The following PNMA8A variants were observed in gnomAD, a reference collection of about 807,000 sequenced individuals.
PNMA8A encodes the protein PNMA family member 8A.
A neutral mutation model predicts 26.6 loss-of-function variants in PNMA8A; 17 were observed. The observed-to-expected ratio is 0.64, with a 90% CI of 0.44 to 0.96. The LOEUF (loss-of-function observed/expected upper bound fraction) is 0.96. Ranked by LOEUF, PNMA8A falls within the 40% of genes least tolerant of loss-of-function variation. PNMA8A has a pLI of 0.00. For missense variants in PNMA8A, 532 were observed against 488.4 expected (o/e 1.09, Z -0.84); for synonymous variants, 224 against 182.0 (o/e 1.23, Z -1.86).
Position 46,470,001 on chromosome 19 carries a change from T to C in PNMA8A, c.1035A>G (p.Pro345=). Residue 345 remains proline, a synonymous_variant, in exon 2 of 3, where the codon CCA becomes CCG. Coordinates refer to ENST00000313683, the MANE Select transcript of PNMA8A (RefSeq NM_018215.4). ...SDQDGGHESP[P]KKKAVAWVSA... ...ACACCCAGGCCACGGCCTTCTTCTT[T>C]GGTGGGCTTTCATGGCCACCATCTT... The C allele has an allele frequency of 1.9e-6, 3 of 1,604,088 alleles. No homozygotes were observed. Among genetic ancestry groups the C allele is most frequent in the Non-Finnish European group, 2.6e-6 (3 of 1,176,242 alleles).
rs373433505 is a variant in PNMA8A, at chr19:46,469,621, AC to A, written c.1303+111del. On this transcript the variant is annotated intron_variant, in intron 2 of 2. Transcript: ENST00000313683. Reference sequence around the variant, plus strand: ...GCCATGCACCAGGGTCCTCCTCATCACCCGCTTGACCCACCACCTCCTCGGG... The same window carrying A: ...GCCATGCACCAGGGTCCTCCTCATCACCGCTTGACCCACCACCTCCTCGGG... 3.0e-5 allele frequency: 36 copies of A among 1,214,474 alleles called. No homozygotes were observed. In the African/African-American group the frequency reaches 4.5e-4, roughly 15 times the overall value. 75.2% of individuals were successfully genotyped at this position (1,214,474 alleles called of 1,614,324 possible). A position where few individuals can be genotyped will look rare whatever the true frequency, so the allele number is the denominator to read the frequency against.
chr19:46,470,625 C>T lies in PNMA8A; in HGVS notation c.411G>A (p.Gln137=), dbSNP rs139803043. The change falls in exon 2 of 3, where the codon CAG becomes CAA. Residue 137 remains glutamine (Q), a synonymous_variant. Transcript: ENST00000313683. ...AGTTCTCTGGGGGCTGATGCTGGTT[C>T]TGGGACAGGGTGGGGTGGTTGAGCT... ...LLQLNHPTLS[Q]NQHQPPENWA... The T allele has an allele frequency of 2.3e-4, 368 of 1,603,828 alleles. No homozygotes were observed. Among genetic ancestry groups the T allele is most frequent in the Non-Finnish European group, 3.0e-4 (355 of 1,170,598 alleles).
chr19:46,470,636 T>G lies in PNMA8A; in HGVS notation c.400A>C (p.Thr134Pro). Reference sequence around the variant, plus strand: ...GGCTGATGCTGGTTCTGGGACAGGGTGGGGTGGTTGAGCTGGAGCAGGCGG... The same window carrying G: ...GGCTGATGCTGGTTCTGGGACAGGGGGGGGTGGTTGAGCTGGAGCAGGCGG... ...VVRLLQLNHP[T>P]LSQNQHQPPE... The change falls in exon 2 of 3, where the codon ACC becomes CCC. Residue 134 changes from threonine to proline, a missense_variant. Transcript: ENST00000313683. The G allele has an allele frequency of 6.3e-7, 1 of 1,585,842 alleles. No individual in the cohort carries two copies.
Position 46,469,955 on chromosome 19 carries a change from T to C in PNMA8A, c.1081A>G (p.Met361Val), listed in dbSNP as rs1239892864. 3.7e-6 allele frequency: 6 copies of C among 1,613,944 alleles called. No individual in the cohort carries two copies. The highest frequency in any genetic ancestry group is 3.4e-6 in the Non-Finnish European group (4 of 1,179,934). Residue 361 changes from methionine (M) to valine (V), a missense_variant, in exon 2 of 3, where the codon ATG becomes GTG. Physicochemically the swap from Met to Val is conservative, Grantham distance 21 (BLOSUM62 1). Coordinates refer to ENST00000313683, the MANE Select transcript of PNMA8A (RefSeq NM_018215.4). Reference protein sequence around the residue: ...AWVSAKNPAPMRKKKKVSLGP... With the variant: ...AWVSAKNPAPVRKKKKVSLGP... ...AAGCTCACCTTCTTCTTCTTCCTCA[T>C]GGGAGCGGGGTTCTTGGCAGACACC...
At position 46,468,399 on chromosome 19, in the gene PNMA8A, C is replaced by A. The variant is rs1969736765; in HGVS notation, c.*162G>T. 3 of 588,552 alleles carry A rather than the reference C, an allele frequency of 5.1e-6. No homozygotes were observed. The highest frequency in any genetic ancestry group is 6.2e-6 in the Non-Finnish European group (2 of 323,644). The allele number at this position is 588,552 out of a possible 1,614,324, so 36.5% of individuals were successfully genotyped here. A position where few individuals can be genotyped will look rare whatever the true frequency, so the allele number is the denominator to read the frequency against. On this transcript the variant is annotated 3_prime_UTR_variant, in exon 3 of 3. Coordinates refer to ENST00000313683, the MANE Select transcript of PNMA8A (RefSeq NM_018215.4). ...GAGATCCACCTCCCTTCCCCAACTC[C>A]CTCCCACCCAAGACCTCACCTATCG... is the stretch of plus-strand genomic sequence containing the variant.
rs1320335591 is a variant in PNMA8A at position 46,468,519 on chromosome 19, T to G, written c.*42A>C. ...GAGAACTTGGTTGACTTGGTACTTC[T>G]TCCTTGTTCTTTCAACTCCTCAGTA... On this transcript the variant is annotated 3_prime_UTR_variant, in exon 3 of 3. Transcript: ENST00000313683. 2.5e-6 allele frequency: 4 copies of G among 1,601,470 alleles called. No homozygotes were observed. Among genetic ancestry groups the G allele is most frequent in the Non-Finnish European group, 3.4e-6 (4 of 1,168,640 alleles).
At chr19:46,469,101 A>G (rs1267420810) in intron 2 of PNMA8A, among the ~76,000 whole-genome samples, 1 of 95,392 alleles carries the variant, frequency 1.0e-5, no homozygotes, top group African/African-American at 4.4e-5. Context: ...CTCCCAAATC[A>G]TTAAATTCTT....
At position 46,470,442 on chromosome 19, in the gene PNMA8A, T is replaced by C; in HGVS notation, c.594A>G (p.Lys198=). 1 of 1,614,076 alleles carries C rather than the reference T, an allele frequency of 6.2e-7. No individual in the cohort carries two copies. Among genetic ancestry groups the C allele is most frequent in the Non-Finnish European group, 8.5e-7 (1 of 1,180,030 alleles). The change falls in exon 2 of 3, where the codon AAA becomes AAG. Residue 198 remains lysine (K), a synonymous_variant. Transcript: ENST00000313683. ...WALAAGRKVK[K]EPGLAAEVGS... ...CCACCTCTGCTGCAAGCCCCGGTTC[T>C]TTCTTCACCTTCCTCCCTGCTGCTA...
chr19:46,469,347 C>A (rs527830397), intron 2 of PNMA8A, among the ~76,000 whole-genome samples: 1 of 151,984 alleles, frequency 6.6e-6, no homozygotes, highest in African/African-American at 2.4e-5. Flanking sequence ...TGACCTCAGG[C>A]GATCTGCCCA....
Position 46,468,662 on chromosome 19 carries a change from C to T in PNMA8A, c.1304-85G>A, listed in dbSNP as rs927097349. ...CATTACTTCCAAGAAATTTCTGGGTCCCTGAACATTTCTATTCCCCAGCCA... is the reference window on the plus strand; with the variant it reads ...CATTACTTCCAAGAAATTTCTGGGTTCCTGAACATTTCTATTCCCCAGCCA... On this transcript the variant is annotated intron_variant, in intron 2 of 2. Coordinates refer to ENST00000313683, the MANE Select transcript of PNMA8A (RefSeq NM_018215.4). 4 of 1,153,784 alleles carry T rather than the reference C, an allele frequency of 3.5e-6. No individual in the cohort carries two copies. The African/African-American group carries it at 4.6e-5, about 13-fold the overall frequency. The allele number at this position is 1,153,784 out of a possible 1,614,324, so 71.5% of individuals were successfully genotyped here.
chr19:46,471,294 C>G lies in PNMA8A; in HGVS notation c.-80+43G>C, dbSNP rs112242853. On this transcript the variant is annotated intron_variant, in intron 1 of 2. Coordinates refer to ENST00000313683, the MANE Select transcript of PNMA8A (RefSeq NM_018215.4). Reference sequence around the variant, plus strand: ...AATCTGCAGCAAAAGGCCCTAGGACCCTCCCCCGGGCCTGACGCTCCGCCT... The same window carrying G: ...AATCTGCAGCAAAAGGCCCTAGGACGCTCCCCCGGGCCTGACGCTCCGCCT... 1,805 of 322,880 alleles carry G rather than the reference C, an allele frequency of 5.6e-3. 28 individuals carry two copies. Among genetic ancestry groups the G allele is most frequent in the African/African-American group, 0.033 (1,542 of 47,134 alleles). 20.0% of individuals were successfully genotyped at this position (322,880 alleles called of 1,614,324 possible). A position where few individuals can be genotyped will look rare whatever the true frequency, so the allele number is the denominator to read the frequency against.
In PNMA8A at chr19:46,470,499, G is replaced by A. The variant is rs369461089; in HGVS notation, c.537C>T (p.Ala179=). 25 of 1,613,620 alleles carry A rather than the reference G, an allele frequency of 1.5e-5. No homozygotes were observed. The highest frequency in any genetic ancestry group is 2.0e-5 in the Non-Finnish European group (24 of 1,179,960). ...RSREEARAQE[A]AEFEEMAAWA... is the part of the protein sequence containing the mutation. Reference sequence around the variant, plus strand: ...AGGCTGCCATCTCCTCGAATTCAGCGGCCTCCTGGGCCCTGGCTTCCTCCC... The same window carrying A: ...AGGCTGCCATCTCCTCGAATTCAGCAGCCTCCTGGGCCCTGGCTTCCTCCC... The change falls in exon 2 of 3, where the codon GCC becomes GCT. Residue 179 remains alanine (A), a synonymous_variant. Transcript: ENST00000313683.
intron 2 of PNMA8A, among the ~76,000 whole-genome samples, chr19:46,469,263 C>T (rs1283120076): frequency 1.3e-5 from 2 of 151,364 alleles, no homozygotes; most frequent in Non-Finnish European, 2.9e-5. Flanking sequence ...TATGTGGCAC[C>T]ACACCCGGCT....
intron 2 of PNMA8A, 108 bp downstream of exon 2, chr19:46,469,625 G>T: frequency 7.8e-7 from 1 of 1,277,214 alleles, no homozygotes; most frequent in Non-Finnish European, 1.0e-6. Context: ...CTCATCACCC[G>T]CTTGACCCAC....
At chr19:46,468,663 C>T in intron 2 of PNMA8A, 86 bp from the exon 3 acceptor site, 2 of 1,144,468 alleles carry the variant, frequency 1.7e-6, no homozygotes, top group Non-Finnish European at 2.6e-6. Context: ...TTTCTGGGTC[C>T]CTGAACATTT....
Position 46,470,616 on chromosome 19 carries a change from A to T in PNMA8A, c.420T>A (p.His140Gln), listed in dbSNP as rs749991574. 2 of 1,610,090 alleles carry T rather than the reference A, an allele frequency of 1.2e-6. No homozygotes were observed. The highest frequency in any genetic ancestry group is 1.7e-6 in the Non-Finnish European group (2 of 1,176,290). ...CTTCTGCCCAGTTCTCTGGGGGCTG[A>T]TGCTGGTTCTGGGACAGGGTGGGGT... is the stretch of plus-strand genomic sequence containing the variant. ...LNHPTLSQNQHQPPENWAEAL... is the reference protein window; with the variant it reads ...LNHPTLSQNQQQPPENWAEAL... The change falls in exon 2 of 3, where the codon CAT becomes CAA. Residue 140 changes from histidine to glutamine, a missense_variant. Physicochemically the swap from His to Gln is conservative, Grantham distance 24. Coordinates refer to ENST00000313683, the MANE Select transcript of PNMA8A (RefSeq NM_018215.4).
At position 46,470,286 on chromosome 19, in the gene PNMA8A, G is replaced by A. The variant is rs772554139; in HGVS notation, c.750C>T (p.Ser250=). Residue 250 remains serine (S), a synonymous_variant, in exon 2 of 3, where the codon TCC becomes TCT. Coordinates refer to ENST00000313683, the MANE Select transcript of PNMA8A (RefSeq NM_018215.4). ...RSRRKKQKKN[S]RQEAVPWKKP... is the part of the protein sequence containing the mutation. Reference sequence around the variant, plus strand: ...TTTTCCAGGGCACTGCTTCCTGCCTGGAGTTCTTCTTCTGCTTCTTTCTCC... The same window carrying A: ...TTTTCCAGGGCACTGCTTCCTGCCTAGAGTTCTTCTTCTGCTTCTTTCTCC... 7 of 1,613,682 alleles carry A rather than the reference G, an allele frequency of 4.3e-6. No homozygotes were observed. Among genetic ancestry groups the A allele is most frequent in the Non-Finnish European group, 5.1e-6 (6 of 1,180,040 alleles).
At chr19:46,469,630 A>G in intron 2 of PNMA8A, 103 bp downstream of exon 2, 2 of 1,310,572 alleles carry the variant, frequency 1.5e-6, no homozygotes, top group Non-Finnish European at 2.0e-6. Flanking sequence ...CACCCGCTTG[A>G]CCCACCACCT....
chr19:46,470,456 T>A lies in PNMA8A; in HGVS notation c.580A>T (p.Arg194Trp), dbSNP rs572073924. 1.6e-5 allele frequency: 26 copies of A among 1,614,042 alleles called. No homozygotes were observed. In the African/African-American group the frequency reaches 3.2e-4, roughly 20 times the overall value. ...EMAAWALAAG[R>W]KVKKEPGLAA... The stretch of plus-strand genomic sequence containing the variant: ...AGCCCCGGTTCTTTCTTCACCTTCC[T>A]CCCTGCTGCTAAAGCCCAGGCTGCC... Residue 194 changes from arginine to tryptophan, a missense_variant, in exon 2 of 3, where the codon AGG (arginine) becomes TGG (tryptophan). Transcript: ENST00000313683.
Sources: gnomAD v4.1 joint callset for allele counts (sites outside exome capture counted in the v4.1 genomes callset) on GRCh38, gnomAD v4.1.1 for gene constraint, MANE v1.5 for transcripts, NCBI Gene and HGNC (gene_info 2026-07-23, HGNC 2026-07-21) for gene names.